ZNF208: variants seen among roughly 807,000 people sequenced by gnomAD.
ZNF208 encodes the protein zinc finger protein 208, also known as zinc finger protein 95.
In ZNF208, 10 loss-of-function variants were observed where a neutral mutation model predicts 12.1. The observed-to-expected ratio is 0.83, with a 90% confidence interval of 0.51 to 1.40. The LOEUF (loss-of-function observed/expected upper bound fraction) is 1.40. ZNF208 is among the 40% of genes most tolerant of loss of function. The pLI is 0.00. For missense variants in ZNF208, 1,652 were observed against 1,485.0 expected (o/e 1.11, Z -1.85); for synonymous variants, 497 against 488.4 (o/e 1.02, Z -0.23).
Position 21,974,608 on chromosome 19 carries a change from G to A in ZNF208, c.426C>T (p.Ser142=), listed in dbSNP as rs962865150. ...CATATTTGCCACGTTGAAATACTTT[G>A]CTCTGTGTAGTTGTCAAACTCTGGT... The part of the protein sequence containing the change: ...KLNQSLTTTQ[S]KVFQRGKYAN... Residue 142 remains serine, a synonymous_variant, in exon 4 of 4, where the codon AGC becomes AGT. Coordinates refer to ENST00000397126, the MANE Select transcript of ZNF208 (RefSeq NM_007153.3). The A allele has an allele frequency of 3.1e-6, 5 of 1,613,598 alleles. No homozygotes were observed. In the Admixed American group the frequency reaches 8.3e-5, roughly 27 times the overall value.
At chr19:21,954,076 C>G (rs1265153446) in intron 4 of ZNF208, among the ~76,000 whole-genome samples, 1 of 152,124 alleles carries the variant, frequency 6.6e-6, no homozygotes, top group African/African-American at 2.4e-5. Context: ...TTATTTCTGC[C>G]TTCATTTCAT....
chr19:21,971,518 T>C lies in ZNF208; in HGVS notation c.3516A>G (p.Glu1172=), dbSNP rs566600277. The change falls in exon 4 of 4, where the codon GAA becomes GAG. Residue 1172 remains glutamate (E), a synonymous_variant. Coordinates refer to ENST00000397126, the MANE Select transcript of ZNF208 (RefSeq NM_007153.3). ...ACATAACAAAGCCTTTGCCACATTC[T>C]TCACATTTGTAGGGTTTCTCTACAG... ...IHTVEKPYKC[E]ECGKGFVMFS... 6.2e-7 allele frequency: 1 copy of C among 1,611,282 alleles called. No individual in the cohort carries two copies. Among genetic ancestry groups the C allele is most frequent in the African/African-American group, 1.3e-5 (1 of 74,938 alleles).
chr19:21,976,519 T>C (rs10409840), intron 3 of ZNF208, among the ~76,000 whole-genome samples: 7,124 of 152,298 alleles, frequency 0.047, 457 homozygotes, highest in African/African-American at 0.14. Context: ...TTTAAATATA[T>C]GGAAAGTTAA....
chr19:21,984,263 A>C lies in ZNF208; in HGVS notation c.226+2953T>G, dbSNP rs1333729185. ...ACAAAAATAGAAAAAAACTGAAAAC[A>C]AAACAAATATGCCAGGTGCGGTGGC... On this transcript the variant is annotated intron_variant, in intron 3 of 3. Transcript: ENST00000397126. Among the ~76,000 whole-genome samples, 10 of 152,284 alleles carry C rather than the reference A, an allele frequency of 6.6e-5. No individual in the cohort carries two copies. In the East Asian group the frequency reaches 1.9e-3, roughly 29 times the overall value.
chr19:21,944,733 T>G (rs2666455), intron 4 of ZNF208, among the ~76,000 whole-genome samples: 51,281 of 152,028 alleles, frequency 0.34, 9,836 homozygotes, highest in East Asian at 0.5. Context: ...ATTTAAAAAT[T>G]TTAATTTTCC....
intron 2 of ZNF208, among the ~76,000 whole-genome samples, chr19:21,988,572 A>G (rs1014707622): frequency 6.6e-6 from 1 of 151,978 alleles, no homozygotes; most frequent in African/African-American, 2.4e-5. Flanking sequence ...CCTTCTCCCT[A>G]TCTCCTTTAC....
chr19:21,984,842 A>G (rs899508305), intron 3 of ZNF208, among the ~76,000 whole-genome samples: 1 of 152,332 alleles, frequency 6.6e-6, no homozygotes. Flanking sequence ...CTGATTTCAA[A>G]AGACATTCCA....
chr19:21,944,445 T>C (rs1022007798), intron 4 of ZNF208, among the ~76,000 whole-genome samples: 1 of 152,212 alleles, frequency 6.6e-6, no homozygotes, highest in Non-Finnish European at 1.5e-5. Context: ...TTTTGGCATT[T>C]TTAGAAAAAA....
At position 21,942,737 on chromosome 19, in the gene ZNF208, C is replaced by T. The variant is rs12982116; in HGVS notation, c.306-9500G>A. 4.1e-3 allele frequency among the ~76,000 whole-genome samples: 629 copies of T among 152,194 alleles called. 1 individual carries two copies. The highest frequency in any genetic ancestry group is 6.2e-3 in the Admixed American group (95 of 15,282). ...AATCTTGGTTCACTGCAACCTCCGC[C>T]TCCTGGGTTCACACAATTCTCCTGC... On this transcript the variant is annotated intron_variant, in intron 4 of 4. Transcript: ENST00000599916.
Position 21,972,511 on chromosome 19 carries a change from G to C in ZNF208, c.2523C>G (p.Ala841=), listed in dbSNP as rs1262706059. The change falls in exon 4 of 4, where the codon GCC becomes GCG. Residue 841 remains alanine (A), a synonymous_variant. Coordinates refer to ENST00000397126, the MANE Select transcript of ZNF208 (RefSeq NM_007153.3). The part of the protein sequence containing the change: ...KPYKCKECGK[A]FSKFSILTKH... Reference sequence around the variant, plus strand: ...TAGTAAGGATTGAGAACTTACTAAAGGCTTTGCCACATTCTTTACATTTGT... The same window carrying C: ...TAGTAAGGATTGAGAACTTACTAAACGCTTTGCCACATTCTTTACATTTGT... 1.2e-6 allele frequency: 2 copies of C among 1,612,196 alleles called. No homozygotes were observed. The highest frequency in any genetic ancestry group is 1.7e-4 in the Middle Eastern group (1 of 6,046).
intron 4 of ZNF208, among the ~76,000 whole-genome samples, chr19:21,950,879 ATCT>A (rs1189205571): frequency 6.6e-6 from 1 of 152,152 alleles, no homozygotes; most frequent in Non-Finnish European, 1.5e-5. Context: ...TAGTTACTGA[ATCT>A]TCTTCTGTTT....
chr19:21,971,319 T>A lies in ZNF208; in HGVS notation c.3715A>T (p.Ile1239Phe). 6.2e-7 allele frequency: 1 copy of A among 1,611,488 alleles called. No homozygotes were observed. The highest frequency in any genetic ancestry group is 1.6e-4 in the Middle Eastern group (1 of 6,062). ...TGAATTACCTTATGTTTAGTGAGGA[T>A]TGAGAACGTACTAAAGGCTTTGCCA... The part of the protein sequence containing the change: ...ECGKAFSTFS[I>F]LTKHKVIHTG... The change falls in exon 4 of 4, where the codon ATC (isoleucine) becomes TTC (phenylalanine). Residue 1239 changes from isoleucine (I) to phenylalanine (F), a missense_variant. Ile to Phe is a conservative substitution (Grantham distance 21). Coordinates refer to ENST00000397126, the MANE Select transcript of ZNF208 (RefSeq NM_007153.3).
intron 1 of ZNF208, among the ~76,000 whole-genome samples, chr19:21,997,493 G>A (rs957126608): frequency 1.4e-4 from 22 of 151,930 alleles, no homozygotes; most frequent in African/African-American, 5.3e-4. Flanking sequence ...CTGAGCACTG[G>A]GCTAGAGCAC....
At chr19:22,004,567 T>C (rs1314299663) in intron 1 of ZNF208, among the ~76,000 whole-genome samples, 1 of 151,992 alleles carries the variant, frequency 6.6e-6, no homozygotes, top group Non-Finnish European at 1.5e-5. Flanking sequence ...CATGAAATAC[T>C]GAGTGGCCAT....
At chr19:22,001,502 T>C (rs544259115) in intron 1 of ZNF208, among the ~76,000 whole-genome samples, 2 of 152,192 alleles carry the variant, frequency 1.3e-5, no homozygotes, top group African/African-American at 2.4e-5. Flanking sequence ...CAACTCATTA[T>C]GTAAGAACAG....
intron 3 of ZNF208, among the ~76,000 whole-genome samples, chr19:21,984,850 C>CA (rs1970607802): frequency 6.6e-6 from 1 of 152,050 alleles, no homozygotes; most frequent in Non-Finnish European, 1.5e-5. Flanking sequence ...AAAAGACATT[C>CA]CAAGCCACAG....
intron 1 of ZNF208, among the ~76,000 whole-genome samples, 166 bp from the exon 2 acceptor site, chr19:21,989,075 TC>T (rs1970677929): frequency 2.0e-5 from 3 of 146,686 alleles, no homozygotes; most frequent in Non-Finnish European, 3.0e-5. Context: ...ACATATTCTC[TC>T]TCTTTTTTCT....
chr19:22,003,008 T>C (rs4025923), intron 1 of ZNF208, among the ~76,000 whole-genome samples: 93,014 of 151,730 alleles, frequency 0.61, 29,101 homozygotes, highest in African/African-American at 0.72. Context: ...AACTCATAGG[T>C]CAATGCAACA....
chr19:21,969,912 T>A lies in ZNF208; in HGVS notation c.*1279A>T, dbSNP rs930846825. ...AAGATATTACTGGCATTAACAAAAA[T>A]TTTTTTTTCCAGACAGTCTCTCTCT... On this transcript the variant is annotated 3_prime_UTR_variant, in exon 4 of 4. Transcript: ENST00000397126. Among the ~76,000 whole-genome samples the A allele has an allele frequency of 6.8e-6, 1 of 146,708 alleles. No homozygotes were observed. Among genetic ancestry groups the A allele is most frequent in the South Asian group, 2.1e-4 (1 of 4,814 alleles).
Sources: allele counts gnomAD v4.1 joint callset (sites outside exome capture counted in the v4.1 genomes callset), GRCh38; gene constraint gnomAD v4.1.1; transcripts MANE v1.5; gene names NCBI Gene and HGNC (gene_info 2026-07-23, HGNC 2026-07-21).